Variants in PACSIN2 observed in about 807,000 individuals in gnomAD.
The protein encoded by PACSIN2 is protein kinase C and casein kinase substrate in neurons 2, also known as protein kinase C and casein kinase substrate in neurons protein 2.
In PACSIN2, 25 loss-of-function variants were observed where a neutral mutation model predicts 63.8. The ratio of observed to expected loss-of-function variants is 0.39; its 90% CI spans 0.29 to 0.55. The LOEUF (loss-of-function observed/expected upper bound fraction) is 0.55. Ranked by LOEUF, PACSIN2 falls within the 20% of genes least tolerant of loss-of-function variation. PACSIN2 has a pLI of 0.62. For synonymous variants in PACSIN2, 255 were observed against 256.2 expected, an observed-to-expected ratio of 1.00 and a Z score of 0.05; for missense variants, 518 against 646.9, an observed-to-expected ratio of 0.80 and a Z score of 2.16.
At chr22:42,996,569 G>A (rs1469236753) in intron 1 of PACSIN2, among the ~76,000 whole-genome samples, 3 of 149,094 alleles carry the variant, frequency 2.0e-5, no homozygotes, top group Non-Finnish European at 4.4e-5. Context: ...AGGTATGATG[G>A]TACACACTTG....
At chr22:43,004,551 A>C (rs1415460240) in intron 1 of PACSIN2, among the ~76,000 whole-genome samples, 4 of 152,244 alleles carry the variant, frequency 2.6e-5, no homozygotes, top group African/African-American at 9.6e-5. Context: ...ACGTCTGTAC[A>C]GGGAGCACTG....
intron 8 of PACSIN2, among the ~76,000 whole-genome samples, chr22:42,878,377 G>C (rs1187631519): frequency 6.6e-6 from 1 of 152,218 alleles, no homozygotes; most frequent in East Asian, 1.9e-4. Context: ...CCTGGGCTAA[G>C]CCTTCTTAGG....
At chr22:42,951,747 T>C (rs1440615222) in intron 1 of PACSIN2, among the ~76,000 whole-genome samples, 2 of 152,176 alleles carry the variant, frequency 1.3e-5, no homozygotes, top group African/African-American at 4.8e-5. Flanking sequence ...AACTCAAATC[T>C]TGCCAACAGC....
intron 3 of PACSIN2, 102 bp downstream of exon 3, chr22:42,893,355 A>G: frequency 7.9e-7 from 1 of 1,260,342 alleles, no homozygotes; most frequent in Non-Finnish European, 1.1e-6. Context: ...CCCCAATCTT[A>G]AAAGACAGAA....
intron 2 of PACSIN2, among the ~76,000 whole-genome samples, chr22:42,898,580 C>T (rs1005492187): frequency 2.6e-5 from 4 of 152,042 alleles, no homozygotes; most frequent in Non-Finnish European, 4.4e-5. Flanking sequence ...TGAGAACCTC[C>T]TTTCTAGGGT....
intron 1 of PACSIN2, among the ~76,000 whole-genome samples, chr22:42,944,564 C>T (rs1248821177): frequency 6.6e-6 from 1 of 152,138 alleles, no homozygotes; most frequent in Non-Finnish European, 1.5e-5. Context: ...GAACATGCCC[C>T]AAGCAAATAA....
intron 1 of PACSIN2, among the ~76,000 whole-genome samples, chr22:42,983,489 C>CAAAAAAAAAAA (rs775403003): frequency 9.7e-5 from 8 of 82,256 alleles, no homozygotes; most frequent in East Asian, 3.5e-4. Flanking sequence ...GACTCCATCT[C>CAAAAAAAAAAA]AAAAAAAAAA....
chr22:42,891,697 C>A (rs543231424), intron 3 of PACSIN2, among the ~76,000 whole-genome samples: 1 of 152,184 alleles, frequency 6.6e-6, no homozygotes, highest in Non-Finnish European at 1.5e-5. Context: ...TGAGCCACCG[C>A]GCCCGGCCAT....
At chr22:42,882,893 T>G (rs1476625755) in intron 6 of PACSIN2, among the ~76,000 whole-genome samples, 1 of 151,946 alleles carries the variant, frequency 6.6e-6, no homozygotes, top group African/African-American at 2.4e-5. Flanking sequence ...GGCTGGTGAG[T>G]CATGTACTTT....
At chr22:42,982,888 A>AAAAAC (rs759532303) in intron 1 of PACSIN2, among the ~76,000 whole-genome samples, 6 of 105,216 alleles carry the variant, frequency 5.7e-5, no homozygotes, top group Admixed American at 1.1e-4. Context: ...AAAAAAAAAA[A>AAAAAC]AACAACAACA....
At chr22:42,876,705 T>C (rs1433736537) in intron 9 of PACSIN2, among the ~76,000 whole-genome samples, 183 bp downstream of exon 9, 2 of 152,168 alleles carry the variant, frequency 1.3e-5, no homozygotes, top group Non-Finnish European at 2.9e-5. Context: ...CCCCGAGGAA[T>C]GGGGGTGCCA....
At chr22:42,932,413 G>A (rs738386) in intron 1 of PACSIN2, among the ~76,000 whole-genome samples, 93,974 of 152,028 alleles carry the variant, frequency 0.62, 29,968 homozygotes, top group East Asian at 0.82. Context: ...TTTTACCTGT[G>A]TACAGTCTGC....
chr22:42,909,611 G>A (rs1263069972), intron 2 of PACSIN2: 10 of 470,400 alleles, frequency 2.1e-5, no homozygotes, highest in East Asian at 2.1e-4. Flanking sequence ...AGCAGAGCCC[G>A]CCTGAGCATT....
chr22:42,979,805 G>A (rs1358955651), intron 1 of PACSIN2, among the ~76,000 whole-genome samples: 3 of 152,144 alleles, frequency 2.0e-5, no homozygotes, highest in Non-Finnish European at 4.4e-5. Context: ...TGGATTAACG[G>A]ATCCCCCTTG....
intron 1 of PACSIN2, among the ~76,000 whole-genome samples, chr22:43,009,874 T>C (rs1313098986): frequency 6.9e-6 from 1 of 145,916 alleles, no homozygotes; most frequent in Admixed American, 6.8e-5. Context: ...TATTTTTTTT[T>C]TTTTTTTTTT....
chr22:42,959,111 G>A (rs960031279), intron 1 of PACSIN2, among the ~76,000 whole-genome samples: 1 of 152,190 alleles, frequency 6.6e-6, no homozygotes, highest in Non-Finnish European at 1.5e-5. Context: ...TGAGAAATGA[G>A]AAGAACTGAG....
At chr22:42,897,174 C>A (rs1348764803) in intron 2 of PACSIN2, among the ~76,000 whole-genome samples, 1 of 152,046 alleles carries the variant, frequency 6.6e-6, no homozygotes, top group East Asian at 1.9e-4. Flanking sequence ...TGGGCTCAAG[C>A]GATCCTCCCA....
chr22:43,014,306 T>C lies in PACSIN2; in HGVS notation c.-78+715A>G, dbSNP rs1274601220. 2.8e-5 allele frequency among the ~76,000 whole-genome samples: 4 copies of C among 145,406 alleles called. No individual in the cohort carries two copies. In the Admixed American group the frequency reaches 2.8e-4, roughly 10 times the overall value. ...CCTAGGACGTGCTGCGGTAAGGGCTTTGCTCCCCCCGCCCTACACACACAC... is the reference window on the plus strand; with the variant it reads ...CCTAGGACGTGCTGCGGTAAGGGCTCTGCTCCCCCCGCCCTACACACACAC... On this transcript the variant is annotated intron_variant, in intron 1 of 10. Transcript: ENST00000263246.
At chr22:42,884,300 A>C in intron 6 of PACSIN2, 86 bp downstream of exon 6, 2 of 1,317,646 alleles carry the variant, frequency 1.5e-6, no homozygotes, top group Non-Finnish European at 1.1e-6. Flanking sequence ...CGCCATCCCA[A>C]ACCTGGGAGC....
Sources: gnomAD v4.1 joint callset for allele counts (sites outside exome capture counted in the v4.1 genomes callset) on GRCh38, gnomAD v4.1.1 for gene constraint, MANE v1.5 for transcripts, NCBI Gene and HGNC (gene_info 2026-07-23, HGNC 2026-07-21) for gene names.